The following PTPRD variants were observed in gnomAD, a reference collection of about 807,000 sequenced individuals.
PTPRD encodes the protein receptor-type tyrosine-protein phosphatase delta.
A neutral mutation model predicts 214.5 loss-of-function variants in PTPRD; 34 were observed. That is an observed-to-expected ratio of 0.16 (90% CI 0.12 to 0.21). The LOEUF (loss-of-function observed/expected upper bound fraction) is 0.21, where lower values mean the gene tolerates loss of function less well. Ranked by LOEUF, PTPRD falls within the 10% of genes least tolerant of loss-of-function variation. PTPRD has a pLI of 1.00. For synonymous variants in PTPRD, 1,128 were observed against 845.7 expected, an observed-to-expected ratio of 1.33 and a Z score of -5.79; for missense variants, 2,545 against 2,398.7, an observed-to-expected ratio of 1.06 and a Z score of -1.27.
At chr9:9,677,879 T>C (rs947872406) in intron 7 of PTPRD, among the ~76,000 whole-genome samples, 1 of 152,084 alleles carries the variant, frequency 6.6e-6, no homozygotes, top group Non-Finnish European at 1.5e-5. Flanking sequence ...AGTCTCAGGA[T>C]ACAAAATCAA....
At chr9:9,721,602 G>A (rs185457712) in intron 7 of PTPRD, among the ~76,000 whole-genome samples, 5 of 152,144 alleles carry the variant, frequency 3.3e-5, no homozygotes, top group South Asian at 4.1e-4. Flanking sequence ...ATGATGCTAC[G>A]GGAGTTAAAT....
chr9:10,045,201 A>T (rs2097366587), intron 3 of PTPRD, among the ~76,000 whole-genome samples: 2 of 151,834 alleles, frequency 1.3e-5, no homozygotes, highest in African/African-American at 4.8e-5. Context: ...TGGCCAAAGT[A>T]GTATCCCTTT....
intron 9 of PTPRD, among the ~76,000 whole-genome samples, chr9:9,204,666 T>C (rs918447783): frequency 3.2e-4 from 48 of 152,260 alleles, no homozygotes; most frequent in African/African-American, 1.1e-3. Context: ...TCAATGATGG[T>C]TTTAAATTGA....
At chr9:10,427,552 C>A (rs2098633796) in intron 2 of PTPRD, among the ~76,000 whole-genome samples, 1 of 152,018 alleles carries the variant, frequency 6.6e-6, no homozygotes, top group South Asian at 2.1e-4. Flanking sequence ...GCATATGGTC[C>A]ACTGATGGTT....
At chr9:10,188,618 A>T (rs2099348523) in intron 3 of PTPRD, among the ~76,000 whole-genome samples, 1 of 151,900 alleles carries the variant, frequency 6.6e-6, no homozygotes, top group African/African-American at 2.4e-5. Context: ...CAACTCTAGG[A>T]ATGGCAAGAT....
intron 3 of PTPRD, among the ~76,000 whole-genome samples, chr9:10,331,108 T>C (rs1468289355): frequency 6.6e-6 from 1 of 151,952 alleles, no homozygotes; most frequent in East Asian, 1.9e-4. Context: ...TGCAAACTAC[T>C]CCATCAACTC....
At chr9:10,340,420 T>C (rs1452528412) in intron 3 of PTPRD, among the ~76,000 whole-genome samples, 2 of 151,900 alleles carry the variant, frequency 1.3e-5, no homozygotes, top group Non-Finnish European at 2.9e-5. Flanking sequence ...GCTGGCTATA[T>C]CACACCAGTG....
In PTPRD at chr9:9,459,694, G is replaced by C. The variant is rs575530673; in HGVS notation, c.-236-62212C>G. Reference sequence around the variant, plus strand: ...TAAAACACTGAGGAAAGAAATCACAGATGTCACAAACATATAGAAAACATC... The same window carrying C: ...TAAAACACTGAGGAAAGAAATCACACATGTCACAAACATATAGAAAACATC... On this transcript the variant is annotated intron_variant, in intron 8 of 45. Coordinates refer to ENST00000381196, the MANE Select transcript of PTPRD (RefSeq NM_002839.4). Among the ~76,000 whole-genome samples the C allele has an allele frequency of 3.9e-5, 6 of 152,194 alleles. No homozygotes were observed. The East Asian group carries it at 1.2e-3, about 29-fold the overall frequency.
intron 12 of PTPRD, among the ~76,000 whole-genome samples, chr9:8,717,919 C>T (rs1208518414): frequency 6.6e-6 from 1 of 152,180 alleles, no homozygotes; most frequent in South Asian, 2.1e-4. Flanking sequence ...CTACCTCCTG[C>T]CCTGAATTCC....
intron 12 of PTPRD, among the ~76,000 whole-genome samples, chr9:8,730,282 A>C (rs1291295763): frequency 6.6e-6 from 1 of 152,136 alleles, no homozygotes; most frequent in Non-Finnish European, 1.5e-5. Flanking sequence ...AGAAAGAAAT[A>C]TTGCGAGTAT....
At chr9:8,650,370 A>G (rs2096782671) in intron 12 of PTPRD, among the ~76,000 whole-genome samples, 1 of 152,006 alleles carries the variant, frequency 6.6e-6, no homozygotes, top group Non-Finnish European at 1.5e-5. Flanking sequence ...TCTCTACTAA[A>G]AATACAAAAT....
At chr9:8,600,779 G>A (rs1182948376) in intron 14 of PTPRD, among the ~76,000 whole-genome samples, 1 of 151,968 alleles carries the variant, frequency 6.6e-6, no homozygotes, top group Non-Finnish European at 1.5e-5. Flanking sequence ...ATATACCACA[G>A]GCCTTGGGTA....
chr9:10,310,521 A>T (rs1342480438), intron 3 of PTPRD, among the ~76,000 whole-genome samples: 1 of 152,074 alleles, frequency 6.6e-6, no homozygotes, highest in East Asian at 1.9e-4. Context: ...TTGATGAGGA[A>T]TGTAATGTTT....
intron 10 of PTPRD, among the ~76,000 whole-genome samples, chr9:9,092,203 A>C (rs974615111): frequency 1.3e-5 from 2 of 152,174 alleles, no homozygotes; most frequent in African/African-American, 2.4e-5. Context: ...AATGTTAAAC[A>C]TATTGTCTAT....
intron 7 of PTPRD, among the ~76,000 whole-genome samples, chr9:9,578,402 A>G (rs2089699509): frequency 1.3e-5 from 2 of 152,116 alleles, no homozygotes; most frequent in African/African-American, 4.8e-5. Flanking sequence ...GGCATCTTAG[A>G]TGGTGATTTC....
intron 11 of PTPRD, among the ~76,000 whole-genome samples, chr9:9,011,635 ATT>A: frequency 6.6e-6 from 1 of 152,172 alleles, no homozygotes; most frequent in East Asian, 1.9e-4. Flanking sequence ...GGAAATGCCC[ATT>A]GTACTTCAGT....
intron 14 of PTPRD, among the ~76,000 whole-genome samples, chr9:8,595,848 A>C (rs1458972223): frequency 2.6e-5 from 4 of 152,266 alleles, no homozygotes; most frequent in Non-Finnish European, 5.9e-5. Context: ...TTCCTGCTCT[A>C]TGTGTCTCTC....
At chr9:9,698,994 G>A (rs1439208088) in intron 7 of PTPRD, among the ~76,000 whole-genome samples, 3 of 152,036 alleles carry the variant, frequency 2.0e-5, no homozygotes, top group South Asian at 2.1e-4. Context: ...TTAATAAAAC[G>A]ATTGTCTTTG....
chr9:9,230,381 T>A (rs2099962353), intron 9 of PTPRD, among the ~76,000 whole-genome samples: 1 of 152,132 alleles, frequency 6.6e-6, no homozygotes, highest in African/African-American at 2.4e-5. Flanking sequence ...ATATGCCCCA[T>A]TCATCTCTTC....
Sources: gnomAD v4.1 joint callset for allele counts (sites outside exome capture counted in the v4.1 genomes callset) on GRCh38, gnomAD v4.1.1 for gene constraint, MANE v1.5 for transcripts, NCBI Gene and HGNC (gene_info 2026-07-23, HGNC 2026-07-21) for gene names.